RPH3A: variants seen among roughly 807,000 people sequenced by gnomAD.
RPH3A encodes the protein rabphilin 3A.
RPH3A carries 48 observed loss-of-function variants against 102.2 expected under a neutral mutation model. That is an observed-to-expected ratio of 0.47 (90% CI 0.37 to 0.60). RPH3A has a LOEUF of 0.60. RPH3A is among the 20% of genes least tolerant of loss of function. RPH3A has a pLI of 0.00. For missense variants in RPH3A, 781 were observed against 910.1 expected (o/e 0.86, Z 1.83); for synonymous variants, 310 against 324.3 (o/e 0.96, Z 0.47).
At chr12:112,659,519 C>A (rs2040035507) in intron 1 of RPH3A, among the ~76,000 whole-genome samples, 1 of 152,140 alleles carries the variant, frequency 6.6e-6, no homozygotes, top group Non-Finnish European at 1.5e-5. Context: ...TGGGGTGGCA[C>A]ATGATTTTGA....
chr12:112,589,264 A>C (rs2039459752), intron 1 of RPH3A, among the ~76,000 whole-genome samples: 1 of 152,124 alleles, frequency 6.6e-6, no homozygotes, highest in African/African-American at 2.4e-5. Context: ...CTTTGTTCTC[A>C]GGCTTCCTCT....
chr12:112,825,264 C>T (rs1225642203), intron 2 of RPH3A, among the ~76,000 whole-genome samples: 1 of 152,164 alleles, frequency 6.6e-6, no homozygotes, highest in Non-Finnish European at 1.5e-5. Flanking sequence ...ATGTTAACCA[C>T]ATGGGAGCAG....
rs2040477110 is a variant in RPH3A, at chr12:112,712,925, C to CCTCTTCTTCTTCTTCT, written c.-139-79218_-139-79217insCTCTTCTTCTTCTTCT. ...CTTCCTCTTCTTCTTCTTCTTCTTC[C>CCTCTTCTTCTTCTTCT]TCTTCTTCTTCTTCTTCTTCTTCTT... On this transcript the variant is annotated intron_variant, in intron 1 of 21. Transcript: ENST00000543106. 1.1e-4 allele frequency among the ~76,000 whole-genome samples: 10 copies of CCTCTTCTTCTTCTTCT among 94,522 alleles called. 1 individual carries two copies. Among genetic ancestry groups the CCTCTTCTTCTTCTTCT allele is most frequent in the Non-Finnish European group, 2.0e-4 (10 of 48,922 alleles). The allele number at this position is 94,522 out of a possible 152,430, so 62.0% of individuals were successfully genotyped here. A position where few individuals can be genotyped will look rare whatever the true frequency, so the allele number is the denominator to read the frequency against.
chr12:112,714,211 C>T (rs1239601760), intron 1 of RPH3A, among the ~76,000 whole-genome samples: 2 of 152,100 alleles, frequency 1.3e-5, no homozygotes, highest in African/African-American at 4.8e-5. Flanking sequence ...AACAGCCATC[C>T]TTTAGGAGGG....
intron 1 of RPH3A, among the ~76,000 whole-genome samples, chr12:112,729,884 C>A (rs535877112): frequency 2.0e-5 from 3 of 152,176 alleles, no homozygotes; most frequent in African/African-American, 7.2e-5. Flanking sequence ...AGAGTGTGAC[C>A]TTATTTGGAA....
intron 1 of RPH3A, among the ~76,000 whole-genome samples, chr12:112,694,643 C>CGT (rs2040334807): frequency 8.6e-6 from 1 of 115,968 alleles, no homozygotes; most frequent in African/African-American, 3.6e-5. Flanking sequence ...CGCGCGCGCG[C>CGT]GCACACGCAC....
At chr12:112,637,330 A>G (rs1244468820) in intron 1 of RPH3A, among the ~76,000 whole-genome samples, 1 of 152,206 alleles carries the variant, frequency 6.6e-6, no homozygotes, top group Admixed American at 6.5e-5. Context: ...ACAAAATAGT[A>G]TGAGTCTGTG....
At chr12:112,575,610 GGT>G (rs770069549) in intron 1 of RPH3A, among the ~76,000 whole-genome samples, 27 of 152,128 alleles carry the variant, frequency 1.8e-4, no homozygotes, top group Non-Finnish European at 3.5e-4. Flanking sequence ...GAGGGGAACA[GGT>G]GGTCGCGGGG....
intron 1 of RPH3A, among the ~76,000 whole-genome samples, chr12:112,712,323 G>T (rs2040468261): frequency 6.6e-6 from 1 of 152,134 alleles, no homozygotes; most frequent in Non-Finnish European, 1.5e-5. Flanking sequence ...GAATTGATGT[G>T]TTATAGATCT....
At chr12:112,758,602 T>C (rs2040835678) in intron 1 of RPH3A, among the ~76,000 whole-genome samples, 1 of 152,220 alleles carries the variant, frequency 6.6e-6, no homozygotes, top group African/African-American at 2.4e-5. Context: ...TCCCTATGGA[T>C]TTTTACTACC....
At chr12:112,762,178 A>G (rs2040858709) in intron 1 of RPH3A, among the ~76,000 whole-genome samples, 1 of 152,182 alleles carries the variant, frequency 6.6e-6, no homozygotes, top group Admixed American at 6.5e-5. Context: ...TATTTCCCCA[A>G]CTAGATTATA....
Position 112,842,091 on chromosome 12 carries a change from T to A in RPH3A, c.83+5589T>A, listed in dbSNP as rs529666138. On this transcript the variant is annotated intron_variant, in intron 4 of 21. Coordinates refer to ENST00000389385, the MANE Select transcript of RPH3A (RefSeq NM_001143854.2). ...CGTTTTGTTTCATTCCATTGGGTTC[T>A]TCCCACCCCTGGGTCAGTGACTCAT... 70 of 453,804 alleles carry A rather than the reference T, an allele frequency of 1.5e-4. No homozygotes were observed. In the Middle Eastern group the frequency reaches 2.0e-3, roughly 13 times the overall value. 28.1% of individuals were successfully genotyped at this position (453,804 alleles called of 1,614,324 possible).
chr12:112,610,417 C>T (rs554360479), intron 1 of RPH3A, among the ~76,000 whole-genome samples: 4 of 150,540 alleles, frequency 2.7e-5, no homozygotes, highest in South Asian at 4.3e-4. Context: ...GCAGGAGAAT[C>T]GCTTGAACCC....
At chr12:112,876,929 A>G (rs1195706292) in intron 13 of RPH3A, 63 bp downstream of exon 13, 6 of 1,320,644 alleles carry the variant, frequency 4.5e-6, no homozygotes, top group Non-Finnish European at 6.2e-6. Context: ...GCCCAGGAAA[A>G]CAGGAACGGC....
chr12:112,876,270 A>G (rs907438492), intron 12 of RPH3A, among the ~76,000 whole-genome samples: 3 of 152,206 alleles, frequency 2.0e-5, no homozygotes, highest in East Asian at 1.9e-4. Flanking sequence ...TTTAAGTGCT[A>G]CACCTGTATT....
intron 1 of RPH3A, among the ~76,000 whole-genome samples, chr12:112,590,435 A>G (rs1221108643): frequency 6.6e-6 from 1 of 152,218 alleles, no homozygotes; most frequent in Admixed American, 6.5e-5. Flanking sequence ...CCCATAAGCC[A>G]TAGAATACCA....
chr12:112,782,086 C>T (rs763142925), intron 1 of RPH3A, among the ~76,000 whole-genome samples: 8 of 152,212 alleles, frequency 5.3e-5, no homozygotes, highest in African/African-American at 1.4e-4. Flanking sequence ...GGGAGCAGTT[C>T]GGGATGGGTC....
chr12:112,872,396 T>C (rs1479982820), intron 10 of RPH3A, among the ~76,000 whole-genome samples: 1 of 152,182 alleles, frequency 6.6e-6, no homozygotes, highest in African/African-American at 2.4e-5. Context: ...TTAAACTGGA[T>C]AGTTTGTCTT....
chr12:112,678,324 A>AAG lies in RPH3A; in HGVS notation c.-140+103005_-140+103006insAG, dbSNP rs2040201335. 4.2e-5 allele frequency among the ~76,000 whole-genome samples: 2 copies of AAG among 47,564 alleles called. 1 individual carries two copies. Among genetic ancestry groups the AAG allele is most frequent in the African/African-American group, 1.4e-4 (2 of 14,524 alleles). The allele number at this position is 47,564 out of a possible 152,430, so 31.2% of individuals were successfully genotyped here. On this transcript the variant is annotated intron_variant, in intron 1 of 21. Transcript: ENST00000543106. ...AAGAAAGAGAGAGAGAGAGAAAGAAAGAAAGAAGGAAGGAAGGAAGGAAGG... is the reference window on the plus strand; with the variant it reads ...AAGAAAGAGAGAGAGAGAGAAAGAAAAGGAAAGAAGGAAGGAAGGAAGGAAGG...
Sources: gnomAD v4.1 joint callset for allele counts (sites outside exome capture counted in the v4.1 genomes callset) on GRCh38, gnomAD v4.1.1 for gene constraint, MANE v1.5 for transcripts, NCBI Gene and HGNC (gene_info 2026-07-23, HGNC 2026-07-21) for gene names.